RFFL: variants seen among roughly 807,000 people sequenced by gnomAD.
RFFL encodes E3 ubiquitin-protein ligase rififylin.
In RFFL, 16 loss-of-function variants were observed where a neutral mutation model predicts 40.4. The observed-to-expected ratio is 0.40, with a 90% CI of 0.27 to 0.60. RFFL has a LOEUF of 0.60. Among genes scored for constraint, RFFL ranks in the 20% least tolerant of loss-of-function variants. The pLI, the probability that RFFL is intolerant of heterozygous loss-of-function variation, is 0.47. For missense variants in RFFL, 367 were observed against 451.7 expected (o/e 0.81, Z 1.70); for synonymous variants, 154 against 167.9 (o/e 0.92, Z 0.64).
intron 1 of RFFL, among the ~76,000 whole-genome samples, chr17:35,085,719 C>T (rs774491506): frequency 2.6e-5 from 4 of 152,260 alleles, no homozygotes; most frequent in African/African-American, 4.8e-5. Context: ...TGAGCCACTG[C>T]GCCCAGCCAA....
At chr17:35,079,396 TA>T (rs1420907761) in intron 1 of RFFL, among the ~76,000 whole-genome samples, 2 of 152,176 alleles carry the variant, frequency 1.3e-5, no homozygotes, top group East Asian at 1.9e-4. Context: ...TTTCCACAAA[TA>T]ACAACAGAGC....
intron 1 of RFFL, among the ~76,000 whole-genome samples, chr17:35,063,050 A>T (rs1192383879): frequency 6.6e-6 from 1 of 152,198 alleles, no homozygotes; most frequent in Non-Finnish European, 1.5e-5. Context: ...ACAAAAAAAC[A>T]AAATACAAGA....
chr17:35,075,874 TGTGAGTTAAGTTACAGGCCAAGAA>T (rs1194999312), intron 1 of RFFL, among the ~76,000 whole-genome samples: 2 of 152,114 alleles, frequency 1.3e-5, no homozygotes, highest in African/African-American at 2.4e-5. Context: ...GCATCTTAAC[TGTGAGTTAAGTTACAGGCCAAGAA>T]GTTAGAAACT....
chr17:35,034,714 C>T lies in RFFL; in HGVS notation c.-8-8153G>A, dbSNP rs542131407. Among the ~76,000 whole-genome samples the T allele has an allele frequency of 1.8e-3, 278 of 152,030 alleles. 1 individual carries two copies. Among genetic ancestry groups the T allele is most frequent in the African/African-American group, 3.4e-3 (141 of 41,508 alleles). On this transcript the variant is annotated intron_variant, in intron 1 of 6. Coordinates refer to ENST00000394597, the MANE Select transcript of RFFL (RefSeq NM_001017368.2). ...CTTATTTTTGTATTTTTAGTAGAGACGGGGTTTCTCCATGTTGGCCAGCCT... is the reference window on the plus strand; with the variant it reads ...CTTATTTTTGTATTTTTAGTAGAGATGGGGTTTCTCCATGTTGGCCAGCCT...
chr17:35,050,749 G>C (rs184492888), intron 1 of RFFL, among the ~76,000 whole-genome samples: 29 of 152,144 alleles, frequency 1.9e-4, no homozygotes, highest in Admixed American at 1.8e-3. Flanking sequence ...GAGGCGGGCA[G>C]ATCACCTGAG....
At chr17:35,031,363 T>C (rs975198638) in intron 1 of RFFL, among the ~76,000 whole-genome samples, 1 of 152,092 alleles carries the variant, frequency 6.6e-6, no homozygotes, top group Non-Finnish European at 1.5e-5. Flanking sequence ...TGCCACGGCC[T>C]CCCAAAGTGC....
chr17:35,018,160 C>G (rs528645688), intron 3 of RFFL, among the ~76,000 whole-genome samples: 3 of 152,308 alleles, frequency 2.0e-5, no homozygotes, highest in African/African-American at 7.2e-5. Flanking sequence ...TCCAGATCAT[C>G]ACCACCCTAG....
At chr17:35,048,206 T>A (rs1044348097) in intron 1 of RFFL, among the ~76,000 whole-genome samples, 1 of 150,658 alleles carries the variant, frequency 6.6e-6, no homozygotes, top group African/African-American at 2.4e-5. Context: ...ATCAAGACCA[T>A]CCTGGCTAAC....
At chr17:35,047,750 G>A (rs1310425536) in intron 1 of RFFL, among the ~76,000 whole-genome samples, 1 of 147,952 alleles carries the variant, frequency 6.8e-6, no homozygotes, top group Non-Finnish European at 1.5e-5. Flanking sequence ...ACCATGCCCA[G>A]CTTTTTTTTT....
In RFFL at chr17:35,011,153, C is replaced by T. The variant is rs1007296069; in HGVS notation, c.*815G>A. On this transcript the variant is annotated 3_prime_UTR_variant, in exon 7 of 7. Coordinates refer to ENST00000394597, the MANE Select transcript of RFFL (RefSeq NM_001017368.2). ...GCCTCCACCCATTGCTTCCCCTTTC[C>T]GCATAAACTAAGGATGGTGCAAATC... The T allele has an allele frequency of 6.6e-6, 1 of 152,188 alleles. No homozygotes were observed. Among genetic ancestry groups the T allele is most frequent in the African/African-American group, 2.4e-5 (1 of 41,434 alleles). The allele number at this position is 152,188 out of a possible 1,614,324, so 9.4% of individuals were successfully genotyped here. A position where few individuals can be genotyped will look rare whatever the true frequency, so the allele number is the denominator to read the frequency against.
chr17:35,066,875 T>G (rs912801000), upstream of RFFL, among the ~76,000 whole-genome samples: 1 of 152,072 alleles, frequency 6.6e-6, no homozygotes, highest in Non-Finnish European at 1.5e-5. Context: ...CACAGCCTTT[T>G]TTTTTTTTTA....
Position 35,007,760 on chromosome 17 carries a change from C to T in RFFL, c.*4208G>A, listed in dbSNP as rs2090905745. ...CCTTTTTTTTTTTTTTAAACAGACTCTTGCTCTGTCATTCAGGCTGGAGTG... is the reference window on the plus strand; with the variant it reads ...CCTTTTTTTTTTTTTTAAACAGACTTTTGCTCTGTCATTCAGGCTGGAGTG... On this transcript the variant is annotated 3_prime_UTR_variant, in exon 7 of 7. Transcript: ENST00000394597. 1.3e-5 allele frequency: 2 copies of T among 149,302 alleles called. No individual in the cohort carries two copies. The highest frequency in any genetic ancestry group is 5.0e-5 in the African/African-American group (2 of 40,242). The allele number at this position is 149,302 out of a possible 1,614,324, so 9.2% of individuals were successfully genotyped here.
chr17:35,026,377 C>T lies in RFFL; in HGVS notation c.177G>A (p.Arg59=). 6.2e-7 allele frequency: 1 copy of T among 1,613,688 alleles called. No homozygotes were observed. The highest frequency in any genetic ancestry group is 1.1e-5 in the South Asian group (1 of 91,066). Residue 59 remains arginine, a synonymous_variant, in exon 2 of 7, where the codon AGG becomes AGA. Transcript: ENST00000394597. The stretch of plus-strand genomic sequence containing the variant: ...AGGCCAAGAAGTCAGCACTCACCTT[C>T]CTGGCCGTGTTTGCAAAGTGAGCCC... ...SCGAHFANTA[R]KQTCLDCKKN...
intron 1 of RFFL, among the ~76,000 whole-genome samples, chr17:35,073,552 C>A (rs181839413): frequency 6.6e-6 from 1 of 152,264 alleles, no homozygotes; most frequent in African/African-American, 2.4e-5. Flanking sequence ...CCTCACAGGA[C>A]TTCATATGTA....
At chr17:35,084,025 G>A (rs554926817) in intron 1 of RFFL, among the ~76,000 whole-genome samples, 30 of 152,310 alleles carry the variant, frequency 2.0e-4, no homozygotes, top group African/African-American at 6.7e-4. Flanking sequence ...GATCACCTGA[G>A]GTCAGGAGTT....
intron 1 of RFFL, among the ~76,000 whole-genome samples, chr17:35,088,036 A>G (rs2091439557): frequency 6.6e-6 from 1 of 152,190 alleles, no homozygotes; most frequent in African/African-American, 2.4e-5. Flanking sequence ...ACATTTCAGT[A>G]AATTGAACTG....
intron 1 of RFFL, among the ~76,000 whole-genome samples, chr17:35,073,443 T>G (rs2142379512): frequency 6.6e-6 from 1 of 152,348 alleles, no homozygotes; most frequent in South Asian, 2.1e-4. Context: ...GTGACAGGCT[T>G]CTTACCGCAA....
chr17:35,062,083 T>C lies in RFFL; in HGVS notation c.-9+1493A>G, dbSNP rs1312880844. ...AGTACTCCAACAAAATCAACAGGGT[T>C]TAGCACATTTAAAGATGTGAGCATA... On this transcript the variant is annotated intron_variant, in intron 1 of 6. Transcript: ENST00000394597. Among the ~76,000 whole-genome samples the C allele has an allele frequency of 3.3e-5, 5 of 151,946 alleles. No individual in the cohort carries two copies. In the East Asian group the frequency reaches 9.7e-4, roughly 29 times the overall value.
chr17:35,063,437 A>G (rs1013691690), intron 1 of RFFL, 139 bp downstream of exon 1: 1 of 148,450 alleles, frequency 6.7e-6, no homozygotes, highest in African/African-American at 2.6e-5. Context: ...CTTGGGCAAC[A>G]AGAGTGAAAC....
Sources: gnomAD v4.1 joint callset for allele counts (sites outside exome capture counted in the v4.1 genomes callset) on GRCh38, gnomAD v4.1.1 for gene constraint, MANE v1.5 for transcripts, NCBI Gene and HGNC (gene_info 2026-07-23, HGNC 2026-07-21) for gene names.